Variants in KCNQ4 observed in about 807,000 individuals in gnomAD.
KCNQ4 encodes the protein potassium voltage-gated channel subfamily Q member 4, also known as potassium voltage-gated channel subfamily KQT member 4.
In KCNQ4, 31 loss-of-function variants were observed where a neutral mutation model predicts 72.6. That is an observed-to-expected ratio of 0.43 (90% CI 0.32 to 0.58). The LOEUF is 0.58. KCNQ4 is among the 20% of genes least tolerant of loss of function. The pLI is 0.08. For missense variants in KCNQ4, 869 were observed against 962.6 expected (o/e 0.90, Z 1.29); for synonymous variants, 405 against 403.7 (o/e 1.00, Z -0.04).
At position 40,824,229 on chromosome 1, in the gene KCNQ4, G is replaced by T; in HGVS notation, c.1263G>T (p.Pro421=). The change falls in exon 9 of 14, where the codon CCG becomes CCT. Residue 421 remains proline, a synonymous_variant. Coordinates refer to ENST00000347132, the MANE Select transcript of KCNQ4 (RefSeq NM_004700.4). ...CGCCCGTTGCCACCTGCCACCGGCCGGGCAGCACCTCCTTCTGCCCTGGGG... is the reference window on the plus strand; with the variant it reads ...CGCCCGTTGCCACCTGCCACCGGCCTGGCAGCACCTCCTTCTGCCCTGGGG... The part of the protein sequence containing the change: ...RYPPVATCHR[P]GSTSFCPGES... The T allele has an allele frequency of 6.2e-7, 1 of 1,608,110 alleles. No homozygotes were observed. Among genetic ancestry groups the T allele is most frequent in the Non-Finnish European group, 8.5e-7 (1 of 1,178,054 alleles).
intron 8 of KCNQ4, among the ~76,000 whole-genome samples, chr1:40,823,308 G>A (rs1457629078): frequency 6.6e-6 from 1 of 152,176 alleles, no homozygotes; most frequent in Non-Finnish European, 1.5e-5. Context: ...GCAGAGGCAA[G>A]CTCCTACCTC....
chr1:40,821,204 G>A lies in KCNQ4; in HGVS notation c.1041+944G>A, dbSNP rs185349341. ...GCGGCTGGCACTGTCCATGCCAAGA[G>A]ACAGCTAGTATTGTGGTGCCCATAA... On this transcript the variant is annotated intron_variant, in intron 7 of 13. Coordinates refer to ENST00000347132, the MANE Select transcript of KCNQ4 (RefSeq NM_004700.4). 9.2e-5 allele frequency among the ~76,000 whole-genome samples: 14 copies of A among 152,332 alleles called. No homozygotes were observed. In the East Asian group the frequency reaches 2.5e-3, roughly 27 times the overall value.
chr1:40,794,187 G>A lies in KCNQ4; in HGVS notation c.314+9780G>A, dbSNP rs183445776. Among the ~76,000 whole-genome samples, 5 of 152,248 alleles carry A rather than the reference G, an allele frequency of 3.3e-5. No homozygotes were observed. Among genetic ancestry groups the A allele is most frequent in the Admixed American group, 3.3e-4 (5 of 15,302 alleles). ...ACAGCAGAGCAAAGGCCTTGAGATG[G>A]GACTTCCTTCCCCTCACTCCTTTGC... On this transcript the variant is annotated intron_variant, in intron 1 of 13. Transcript: ENST00000347132. This position sits in a 1 kb window ranked among gnomAD's most constrained non-coding sequence, Gnocchi z 4.2.
chr1:40,806,745 T>C (rs1369079543), intron 1 of KCNQ4, among the ~76,000 whole-genome samples: 2 of 152,322 alleles, frequency 1.3e-5, no homozygotes, highest in South Asian at 2.1e-4. Flanking sequence ...TTTGGATTCA[T>C]GGGATAGAGA....
intron 1 of KCNQ4, among the ~76,000 whole-genome samples, chr1:40,807,232 G>A (rs1200972363): frequency 1.3e-5 from 2 of 152,126 alleles, no homozygotes; most frequent in Admixed American, 6.5e-5. Context: ...CAGCCTCAGG[G>A]AAACTCAGCT....
chr1:40,818,832 C>A, intron 4 of KCNQ4, 152 bp downstream of exon 4: 3 of 848,604 alleles, frequency 3.5e-6, no homozygotes, highest in African/African-American at 1.7e-5. Flanking sequence ...GAGGCGAGGT[C>A]TAAGCGGGTG....
intron 1 of KCNQ4, among the ~76,000 whole-genome samples, chr1:40,803,999 C>T (rs1647675415): frequency 6.6e-6 from 1 of 152,154 alleles, no homozygotes; most frequent in South Asian, 2.1e-4. Flanking sequence ...CTCTCTCTGC[C>T]CTGGAAGTAC....
intron 9 of KCNQ4, among the ~76,000 whole-genome samples, chr1:40,827,668 C>G (rs1160465149): frequency 6.6e-6 from 1 of 152,124 alleles, no homozygotes; most frequent in Non-Finnish European, 1.5e-5. Flanking sequence ...TCCTGGCTGC[C>G]CATGTGTGCT....
At chr1:40,811,167 C>A (rs550447756) in intron 1 of KCNQ4, among the ~76,000 whole-genome samples, 1 of 152,212 alleles carries the variant, frequency 6.6e-6, no homozygotes, top group South Asian at 2.1e-4. Flanking sequence ...CAGTGTCTGG[C>A]CAATAGGAAG....
At chr1:40,821,272 G>T (rs1365735737) in intron 7 of KCNQ4, among the ~76,000 whole-genome samples, 1 of 152,180 alleles carries the variant, frequency 6.6e-6, no homozygotes, top group Non-Finnish European at 1.5e-5. Flanking sequence ...CCCATGCCAG[G>T]GGCCTAGGCA....
intron 4 of KCNQ4, 103 bp from the exon 5 acceptor site, chr1:40,819,244 C>T: frequency 7.1e-7 from 1 of 1,406,524 alleles, no homozygotes; most frequent in Non-Finnish European, 9.9e-7. Flanking sequence ...GAGCCTGGGA[C>T]TCCGGGAGAT....
chr1:40,790,173 T>C (rs192974743), intron 1 of KCNQ4, among the ~76,000 whole-genome samples: 120 of 152,344 alleles, frequency 7.9e-4, no homozygotes, highest in South Asian at 2.1e-4. Flanking sequence ...AGCAGTCGTG[T>C]GTCCTTGGGC....
intron 11 of KCNQ4, among the ~76,000 whole-genome samples, chr1:40,833,467 C>A (rs1461616087): frequency 6.6e-6 from 1 of 152,062 alleles, no homozygotes; most frequent in Non-Finnish European, 1.5e-5. Context: ...AAAGCCCCTG[C>A]TCTACTGGCT....
chr1:40,817,185 T>C lies in KCNQ4; in HGVS notation c.315-80T>C. The C allele has an allele frequency of 1.8e-6, 2 of 1,086,182 alleles. No homozygotes were observed. The highest frequency in any genetic ancestry group is 1.9e-5 in the Admixed American group (1 of 53,524). 67.3% of individuals were successfully genotyped at this position (1,086,182 alleles called of 1,614,324 possible). On this transcript the variant is annotated intron_variant, in intron 1 of 13. Coordinates refer to ENST00000347132, the MANE Select transcript of KCNQ4 (RefSeq NM_004700.4). The surrounding 1 kb of genome is among the most constrained non-coding windows in gnomAD (Gnocchi z 5.5). ...GAAAATAATGTTCTCCTCTCTTGGC[T>C]CTGTAACCCCCTGCCAGGGGCACCT...
At chr1:40,818,371 C>T in intron 3 of KCNQ4, 81 bp downstream of exon 3, 1 of 1,595,482 alleles carries the variant, frequency 6.3e-7, no homozygotes, top group East Asian at 2.2e-5. Context: ...CCGACTCTGA[C>T]CCTGGAGACC....
At chr1:40,837,102 T>C (rs1648825851) in intron 12 of KCNQ4, among the ~76,000 whole-genome samples, 1 of 149,964 alleles carries the variant, frequency 6.7e-6, no homozygotes, top group South Asian at 2.1e-4. Context: ...TTTTTTTTTT[T>C]TTTGAGACAG....
intron 1 of KCNQ4, among the ~76,000 whole-genome samples, chr1:40,791,730 G>A (rs572159914): frequency 6.6e-6 from 1 of 152,298 alleles, no homozygotes; most frequent in Non-Finnish European, 1.5e-5. Flanking sequence ...ACATTCTCCT[G>A]AGACTCCTTG....
rs532190433 is a variant in KCNQ4, at chr1:40,820,575, T to C, written c.1041+315T>C. ...CAGACAGGAGCTGGGAGGCCTCTGG[T>C]GGAGACCCACTGCTGCCCCCATCAG... is the stretch of plus-strand genomic sequence containing the variant. On this transcript the variant is annotated intron_variant, in intron 7 of 13. Transcript: ENST00000347132. Among the ~76,000 whole-genome samples the C allele has an allele frequency of 2.6e-5, 4 of 152,336 alleles. No individual in the cohort carries two copies. In the South Asian group the frequency reaches 8.3e-4, roughly 32 times the overall value.
chr1:40,791,635 C>T (rs1380690172), intron 1 of KCNQ4, among the ~76,000 whole-genome samples: 1 of 152,152 alleles, frequency 6.6e-6, no homozygotes, highest in Non-Finnish European at 1.5e-5. Context: ...TCAGCGATTC[C>T]CTCCCTCCTC....
Sources: allele counts gnomAD v4.1 joint callset (sites outside exome capture counted in the v4.1 genomes callset), GRCh38; gene constraint gnomAD v4.1.1; non-coding constraint Gnocchi (gnomAD v3.1); transcripts MANE v1.5; gene names NCBI Gene and HGNC (gene_info 2026-07-23, HGNC 2026-07-21).